Variants in DNMBP observed in about 807,000 individuals in gnomAD.
DNMBP encodes dynamin binding protein, also known as dynamin-binding protein.
DNMBP carries 87 observed loss-of-function variants against 150.0 expected under a neutral mutation model. The observed-to-expected ratio is 0.58, with a 90% CI of 0.49 to 0.69. The LOEUF (loss-of-function observed/expected upper bound fraction) is 0.69. Among genes scored for constraint, DNMBP ranks in the 30% least tolerant of loss-of-function variants. The pLI is 0.00. For missense variants in DNMBP, 1,774 were observed against 1,949.0 expected, an observed-to-expected ratio of 0.91 and a Z score of 1.69; for synonymous variants, 711 against 750.4, an observed-to-expected ratio of 0.95 and a Z score of 0.86.
chr10:99,996,341 C>G (rs922690622), intron 1 of DNMBP, among the ~76,000 whole-genome samples: 10 of 151,886 alleles, frequency 6.6e-5, no homozygotes, highest in African/African-American at 2.2e-4. Context: ...GCCAAAATGG[C>G]GAAACCCCGT....
At chr10:99,909,240 A>T in intron 4 of DNMBP, 94 bp from the exon 5 acceptor site, 1 of 950,514 alleles carries the variant, frequency 1.1e-6, no homozygotes, top group Non-Finnish European at 1.6e-6. Flanking sequence ...CCTGAGAACC[A>T]AAGGTCTCAC....
intron 4 of DNMBP, among the ~76,000 whole-genome samples, chr10:99,939,840 T>C (rs1471346516): frequency 6.6e-6 from 1 of 152,256 alleles, no homozygotes; most frequent in East Asian, 1.9e-4. Flanking sequence ...TTCTGAGGAC[T>C]GATGGCTCCA....
At position 99,885,829 on chromosome 10, in the gene DNMBP, G is replaced by A. The variant is rs1046446713; in HGVS notation, c.3656C>T (p.Ala1219Val). 2.5e-6 allele frequency: 4 copies of A among 1,613,168 alleles called. No individual in the cohort carries two copies. In the African/African-American group the frequency reaches 5.3e-5, roughly 22 times the overall value. The change falls in exon 14 of 17, where the codon GCC becomes GTC. Residue 1219 changes from alanine to valine, a missense_variant. Transcript: ENST00000324109. Reference sequence around the variant, plus strand: ...TCTGCTGTGCTCTTCGTGGAAGATGGCAATAAGGTTTCCCTCTCTGCCAGC... The same window carrying A: ...TCTGCTGTGCTCTTCGTGGAAGATGACAATAAGGTTTCCCTCTCTGCCAGC... ...KVAGREGNLI[A>V]IFHEEHSRVL... is the part of the protein sequence containing the mutation.
chr10:99,898,397 G>T, intron 8 of DNMBP, 112 bp from the exon 9 acceptor site: 1 of 801,696 alleles, frequency 1.2e-6, no homozygotes, highest in Non-Finnish European at 2.1e-6. Flanking sequence ...TAATAATAAT[G>T]TACACCTATG....
Position 99,918,136 on chromosome 10 carries a change from C to T in DNMBP, c.2261-8990G>A, listed in dbSNP as rs185707153. Among the ~76,000 whole-genome samples the T allele has an allele frequency of 1.3e-4, 20 of 152,134 alleles. No individual in the cohort carries two copies. The East Asian group carries it at 3.1e-3, about 23-fold the overall frequency. ...GTCTGTACACGTGCTCATCTTCTCCCCAGCCCTGCCTGGAGGAATCACAAA... is the reference window on the plus strand; with the variant it reads ...GTCTGTACACGTGCTCATCTTCTCCTCAGCCCTGCCTGGAGGAATCACAAA... On this transcript the variant is annotated intron_variant, in intron 4 of 16. Coordinates refer to ENST00000324109, the MANE Select transcript of DNMBP (RefSeq NM_015221.4).
chr10:99,891,691 C>T (rs1014442120), intron 11 of DNMBP, among the ~76,000 whole-genome samples: 3 of 148,778 alleles, frequency 2.0e-5, no homozygotes, highest in African/African-American at 5.1e-5. Flanking sequence ...AAGTGAGGAG[C>T]GTCTCTGCCC....
chr10:99,879,988 C>A lies in DNMBP; in HGVS notation c.4371G>T (p.Lys1457Asn). 6.2e-7 allele frequency: 1 copy of A among 1,614,206 alleles called. No homozygotes were observed. Among genetic ancestry groups the A allele is most frequent in the Non-Finnish European group, 8.5e-7 (1 of 1,180,036 alleles). Reference protein sequence around the residue: ...GDSADVARDVKQPTATPRSYR... With the variant: ...GDSADVARDVNQPTATPRSYR... ...AGCTCCTCGGCGTGGCAGTGGGTTG[C>A]TTTACATCTCTAGCTACATCTGCAG... Residue 1457 changes from lysine to asparagine, a missense_variant, in exon 16 of 17, where the codon AAG becomes AAT. This residue lies in a region of DNMBP where 1,430 missense variants were observed against 1,492.5 expected (regional missense o/e 0.96). Transcript: ENST00000324109.
At position 99,969,271 on chromosome 10, in the gene DNMBP, A is replaced by C. The variant is rs117079528; in HGVS notation, c.146-34T>G. On this transcript the variant is annotated intron_variant, in intron 2 of 16. Transcript: ENST00000324109. Reference sequence around the variant, plus strand: ...AAAAGCAAACATATTAAATTTTAATACTGAGATTTCTTTTCCCGTCTGTGT... The same window carrying C: ...AAAAGCAAACATATTAAATTTTAATCCTGAGATTTCTTTTCCCGTCTGTGT... 4,625 of 1,612,030 alleles carry C rather than the reference A, an allele frequency of 2.9e-3. 84 individuals carry two copies. In the Middle Eastern group the frequency reaches 0.046, roughly 16 times the overall value.
intron 4 of DNMBP, chr10:99,914,165 C>T (rs2039935893): frequency 7.9e-7 from 1 of 1,272,028 alleles, no homozygotes; most frequent in Non-Finnish European, 1.0e-6. Flanking sequence ...GGAGCTGGAA[C>T]CCTAAGCGTA....
chr10:99,894,497 T>G (rs1360783514), intron 11 of DNMBP, among the ~76,000 whole-genome samples: 1 of 152,196 alleles, frequency 6.6e-6, no homozygotes, highest in Non-Finnish European at 1.5e-5. Flanking sequence ...TTATAGCAAC[T>G]GAATATTAAT....
intron 4 of DNMBP, chr10:99,913,938 C>A: frequency 7.6e-7 from 1 of 1,316,378 alleles, no homozygotes; most frequent in Non-Finnish European, 9.8e-7. Context: ...CTGGCTCCCA[C>A]ACCCCAGGAC....
At chr10:99,905,305 G>A (rs893430542) in intron 6 of DNMBP, among the ~76,000 whole-genome samples, 1 of 152,200 alleles carries the variant, frequency 6.6e-6, no homozygotes, top group Admixed American at 6.5e-5. Flanking sequence ...AGACACAGTT[G>A]TATTCTGTAT....
intron 14 of DNMBP, 145 bp from the exon 15 acceptor site, chr10:99,884,354 A>C: frequency 1.4e-6 from 1 of 717,352 alleles, no homozygotes; most frequent in Non-Finnish European, 2.2e-6. Flanking sequence ...TTTTGTGATG[A>C]AGCCAGCCCA....
chr10:99,890,080 C>G (rs1461644967), intron 11 of DNMBP, among the ~76,000 whole-genome samples: 1 of 152,126 alleles, frequency 6.6e-6, no homozygotes, highest in Non-Finnish European at 1.5e-5. Flanking sequence ...ATTTTTAGAC[C>G]TTTTGTCTTT....
chr10:99,886,615 C>T lies in DNMBP; in HGVS notation c.3303G>A (p.Arg1101=). 1.2e-6 allele frequency: 2 copies of T among 1,613,454 alleles called. No individual in the cohort carries two copies. Among genetic ancestry groups the T allele is most frequent in the African/African-American group, 2.7e-5 (2 of 75,002 alleles). ...ACTGATTTAAGGGGGAGATGACAAG[C>T]CGCTCTGTCCTCTCCTTCTGTAGGG... The part of the protein sequence containing the change: ...LFTNFKERTE[R]LVISPLNQLL... Residue 1101 remains arginine, a synonymous_variant, in exon 13 of 17, where the codon CGG becomes CGA. Coordinates refer to ENST00000324109, the MANE Select transcript of DNMBP (RefSeq NM_015221.4).
chr10:99,984,258 T>C (rs1386504010), intron 1 of DNMBP, among the ~76,000 whole-genome samples: 1 of 152,242 alleles, frequency 6.6e-6, no homozygotes, highest in Non-Finnish European at 1.5e-5. Context: ...TATTTTCAAA[T>C]GGGTTAACCT....
At chr10:99,918,235 T>A (rs2133262026) in intron 4 of DNMBP, among the ~76,000 whole-genome samples, 1 of 152,014 alleles carries the variant, frequency 6.6e-6, no homozygotes, top group South Asian at 2.1e-4. Flanking sequence ...TAGCACCTAC[T>A]TTACTTCTAC....
intron 1 of DNMBP, among the ~76,000 whole-genome samples, chr10:99,986,657 T>C (rs1285394479): frequency 2.8e-5 from 4 of 140,948 alleles, no homozygotes; most frequent in Admixed American, 2.1e-4. Flanking sequence ...CAGGATAATA[T>C]TTAATGAAGA....
rs766081027 is a variant in DNMBP at position 99,879,906 on chromosome 10, G to C, written c.4453C>G (p.Gln1485Glu). ...CATCCTTTGACGAGGTCTTGACTTT[G>C]CCCATTTCGTCCTGGTACGGAGTAG... ...VGYSVPGRNGQSQDLVKGCAR... is the reference protein window; with the variant it reads ...VGYSVPGRNGESQDLVKGCAR... The change falls in exon 16 of 17, where the codon CAA becomes GAA. Residue 1485 changes from glutamine (Q) to glutamate (E), a missense_variant. Around this residue, in one of 2 missense-constraint regions of DNMBP, gnomAD observed 1,430 missense variants for 1,492.5 expected, o/e 0.96. Coordinates refer to ENST00000324109, the MANE Select transcript of DNMBP (RefSeq NM_015221.4). 2 of 1,614,216 alleles carry C rather than the reference G, an allele frequency of 1.2e-6. No individual in the cohort carries two copies. Among genetic ancestry groups the C allele is most frequent in the Non-Finnish European group, 1.7e-6 (2 of 1,180,042 alleles).
Sources: allele counts gnomAD v4.1 joint callset (sites outside exome capture counted in the v4.1 genomes callset), GRCh38; gene constraint gnomAD v4.1.1; regional missense constraint gnomAD v4.1.1; transcripts MANE v1.5; gene names NCBI Gene and HGNC (gene_info 2026-07-23, HGNC 2026-07-21).